LSM11: variants seen among roughly 807,000 people sequenced by gnomAD.
The protein encoded by LSM11 is U7 snRNA-associated Sm-like protein LSm11.
A neutral mutation model predicts 28.1 loss-of-function variants in LSM11; 14 were observed. The ratio of observed to expected loss-of-function variants is 0.50; its 90% CI spans 0.33 to 0.78. LSM11 has a LOEUF of 0.78. Among genes scored for constraint, LSM11 ranks in the 30% least tolerant of loss-of-function variants. LSM11 has a pLI of 0.02. For missense variants in LSM11, 495 were observed against 510.6 expected, an observed-to-expected ratio of 0.97 and a Z score of 0.30; for synonymous variants, 207 against 214.2, an observed-to-expected ratio of 0.97 and a Z score of 0.30.
Position 157,743,874 on chromosome 5 carries a change from C to G in LSM11, c.124C>G (p.Leu42Val). The change falls in exon 1 of 4, where the codon CTG becomes GTG. Residue 42 changes from leucine to valine, a missense_variant. Physicochemically the swap from Leu to Val is conservative, Grantham distance 32. Coordinates refer to ENST00000286307, the MANE Select transcript of LSM11 (RefSeq NM_173491.4). ...DPLLALYAPR[L>V]PPIPYPNAPC... is the part of the protein sequence containing the mutation. ...GCTGCTGGCCCTGTACGCGCCCCGC[C>G]TGCCTCCCATTCCCTACCCCAATGC... The G allele has an allele frequency of 6.4e-7, 1 of 1,559,654 alleles. No individual in the cohort carries two copies. The highest frequency in any genetic ancestry group is 8.7e-7 in the Non-Finnish European group (1 of 1,155,170).
intron 1 of LSM11, among the ~76,000 whole-genome samples, chr5:157,750,218 T>C (rs574437694): frequency 5.3e-5 from 8 of 152,268 alleles, no homozygotes; most frequent in Admixed American, 2.0e-4. Flanking sequence ...GCCACTGCAC[T>C]CCAGCCTGGG....
chr5:157,746,882 AC>A (rs2113068574), intron 1 of LSM11, among the ~76,000 whole-genome samples: 1 of 152,220 alleles, frequency 6.6e-6, no homozygotes, highest in South Asian at 2.1e-4. Flanking sequence ...CATCATAGAG[AC>A]CTCTACAGAG....
intron 2 of LSM11, 59 bp downstream of exon 2, chr5:157,751,588 A>AT: frequency 2.6e-6 from 4 of 1,537,752 alleles, no homozygotes; most frequent in East Asian, 2.3e-5. Context: ...CTTCTATAAT[A>AT]TTTAAAGGAC....
Position 157,755,337 on chromosome 5 carries a change from A to G in LSM11, c.*73A>G. ...CTGCTATGCTGTATCCTAGTATCCCAGTGAAACTCTGAGTTGGAATGATTC... is the reference window on the plus strand; with the variant it reads ...CTGCTATGCTGTATCCTAGTATCCCGGTGAAACTCTGAGTTGGAATGATTC... On this transcript the variant is annotated 3_prime_UTR_variant, in exon 4 of 4. Transcript: ENST00000286307. The G allele has an allele frequency of 6.8e-7, 1 of 1,468,950 alleles. No homozygotes were observed. Among genetic ancestry groups the G allele is most frequent in the Non-Finnish European group, 9.3e-7 (1 of 1,080,254 alleles). 91.0% of individuals were successfully genotyped at this position (1,468,950 alleles called of 1,614,324 possible).
chr5:157,751,315 T>G, intron 1 of LSM11, 75 bp from the exon 2 acceptor site: 1 of 1,476,204 alleles, frequency 6.8e-7, no homozygotes, highest in Non-Finnish European at 9.0e-7. Context: ...CTGGCCGAAG[T>G]TGGGTGGTCG....
Position 157,754,005 on chromosome 5 carries a change from C to T in LSM11, c.590C>T (p.Ala197Val). Residue 197 changes from alanine to valine, a missense_variant and splice_region_variant, in exon 3 of 4, where the codon GCA becomes GTA. Ala to Val is a moderately conservative substitution (Grantham distance 64). Transcript: ENST00000286307. ...LVAFDKFWNM[A>V]LTDVDETYRK... Reference sequence around the variant, plus strand: ...TTTCCTTTTGGGCTGTTCCTCTAGGCACTTACTGATGTGGATGAGACCTAC... The same window carrying T: ...TTTCCTTTTGGGCTGTTCCTCTAGGTACTTACTGATGTGGATGAGACCTAC... 6.5e-7 allele frequency: 1 copy of T among 1,534,678 alleles called. No homozygotes were observed. Among genetic ancestry groups the T allele is most frequent in the Non-Finnish European group, 8.7e-7 (1 of 1,143,068 alleles).
At position 157,743,972 on chromosome 5, in the gene LSM11, C is replaced by G; in HGVS notation, c.222C>G (p.Arg74=). Residue 74 remains arginine, a synonymous_variant, in exon 1 of 4, where the codon CGC becomes CGG. Transcript: ENST00000286307. ...RTGVRGGGRG[R]GRARGAAAGS... ...GAGTCCGGGGCGGCGGGCGCGGGCG[C>G]GGGCGGGCTCGGGGCGCGGCCGCGG... is the stretch of plus-strand genomic sequence containing the variant. 1.6e-6 allele frequency: 2 copies of G among 1,270,294 alleles called. No individual in the cohort carries two copies. Among genetic ancestry groups the G allele is most frequent in the Non-Finnish European group, 2.0e-6 (2 of 1,008,454 alleles). 78.7% of individuals were successfully genotyped at this position (1,270,294 alleles called of 1,614,324 possible). A position where few individuals can be genotyped will look rare whatever the true frequency, so the allele number is the denominator to read the frequency against.
intron 1 of LSM11, among the ~76,000 whole-genome samples, chr5:157,748,211 T>C (rs1490615406): frequency 6.6e-6 from 1 of 152,084 alleles, no homozygotes; most frequent in African/African-American, 2.4e-5. Flanking sequence ...ACTGTTACAG[T>C]TTGTGGTTTC....
chr5:157,750,287 T>G (rs1298454946), intron 1 of LSM11, among the ~76,000 whole-genome samples: 1 of 152,164 alleles, frequency 6.6e-6, no homozygotes, highest in Non-Finnish European at 1.5e-5. Context: ...TTGGGAGGTT[T>G]TATATACCAT....
chr5:157,750,121 C>T (rs749629285), intron 1 of LSM11, among the ~76,000 whole-genome samples: 2 of 152,112 alleles, frequency 1.3e-5, no homozygotes, highest in African/African-American at 2.4e-5. Flanking sequence ...GTGCGTAGTG[C>T]GTGCCTGTAG....
Position 157,755,089 on chromosome 5 carries a change from G to C in LSM11, c.908G>C (p.Arg303Pro). 1 of 1,614,176 alleles carries C rather than the reference G, an allele frequency of 6.2e-7. No homozygotes were observed. Among genetic ancestry groups the C allele is most frequent in the Non-Finnish European group, 8.5e-7 (1 of 1,180,030 alleles). Reference sequence around the variant, plus strand: ...TCAGAGCTGTCAGGGAGGACTACACGGACAGACGGCTCCAGTGTGGGAGGT... The same window carrying C: ...TCAGAGCTGTCAGGGAGGACTACACCGACAGACGGCTCCAGTGTGGGAGGT... ...SRSELSGRTT[R>P]TDGSSVGGTF... Residue 303 changes from arginine to proline, a missense_variant, in exon 4 of 4, where the codon CGG (arginine) becomes CCG (proline). By Grantham distance (103) the Arg-to-Pro change is moderately radical. Transcript: ENST00000286307.
rs1156407960 is a variant in LSM11 at position 157,756,499 on chromosome 5, G to T, written c.*1235G>T. 3.3e-5 allele frequency: 5 copies of T among 152,494 alleles called. No homozygotes were observed. The highest frequency in any genetic ancestry group is 7.3e-5 in the Non-Finnish European group (5 of 68,028). 9.4% of individuals were successfully genotyped at this position (152,494 alleles called of 1,614,324 possible). A position where few individuals can be genotyped will look rare whatever the true frequency, so the allele number is the denominator to read the frequency against. ...TTATCTGAGATAACTTATGTTCAAG[G>T]TGAGAATAAGAAATAGCCAACTAGT... On this transcript the variant is annotated 3_prime_UTR_variant, in exon 4 of 4. Transcript: ENST00000286307.
chr5:157,751,301 G>T, intron 1 of LSM11, 89 bp from the exon 2 acceptor site: 1 of 1,421,556 alleles, frequency 7.0e-7, no homozygotes, highest in Non-Finnish European at 9.4e-7. Flanking sequence ...TGGGCCACAT[G>T]TTGCTGGCCG....
In LSM11 at chr5:157,754,928, T is replaced by G. The variant is rs747825346; in HGVS notation, c.747T>G (p.Thr249=). The G allele has an allele frequency of 1.2e-6, 2 of 1,614,148 alleles. No individual in the cohort carries two copies. Among genetic ancestry groups the G allele is most frequent in the Non-Finnish European group, 1.7e-6 (2 of 1,179,980 alleles). ...CTAAGTCTGCAGTTGAAGATTCCAC[T>G]CTGTCTAGATACTCACAGACATCCA... ...ADSKSAVEDS[T]LSRYSQTSTW... Residue 249 remains threonine, a synonymous_variant, in exon 4 of 4, where the codon ACT becomes ACG. Transcript: ENST00000286307.
chr5:157,743,953 G>A lies in LSM11; in HGVS notation c.203G>A (p.Arg68Gln). Residue 68 changes from arginine to glutamine, a missense_variant, in exon 1 of 4, where the codon CGG becomes CAG. Coordinates refer to ENST00000286307, the MANE Select transcript of LSM11 (RefSeq NM_173491.4). ...GAGAGCTTCCTCAGGACCGGAGTCC[G>A]GGGCGGCGGGCGCGGGCGCGGGCGG... is the stretch of plus-strand genomic sequence containing the variant. ...EYESFLRTGV[R>Q]GGGRGRGRAR... is the part of the protein sequence containing the mutation. 1.5e-6 allele frequency: 2 copies of A among 1,355,098 alleles called. No individual in the cohort carries two copies. The highest frequency in any genetic ancestry group is 1.5e-5 in the African/African-American group (1 of 66,688). The allele number at this position is 1,355,098 out of a possible 1,614,324, so 83.9% of individuals were successfully genotyped here.
chr5:157,744,469 C>T (rs973073559), intron 1 of LSM11, among the ~76,000 whole-genome samples: 1 of 152,118 alleles, frequency 6.6e-6, no homozygotes, highest in African/African-American at 2.4e-5. Flanking sequence ...TCATAAGAAG[C>T]CGTGGGAAAG....
chr5:157,749,100 T>C (rs1249099721), intron 1 of LSM11, among the ~76,000 whole-genome samples: 1 of 152,208 alleles, frequency 6.6e-6, no homozygotes, highest in Non-Finnish European at 1.5e-5. Flanking sequence ...TACACCTTAT[T>C]AAATCTTTGG....
chr5:157,749,862 CAG>C (rs1051505568), intron 1 of LSM11, among the ~76,000 whole-genome samples: 1 of 152,172 alleles, frequency 6.6e-6, no homozygotes, highest in Non-Finnish European at 1.5e-5. Context: ...CAATCCATGA[CAG>C]AGGGATAAGG....
chr5:157,754,909 C>T lies in LSM11; in HGVS notation c.728C>T (p.Ser243Phe). 6.2e-7 allele frequency: 1 copy of T among 1,614,176 alleles called. No homozygotes were observed. The highest frequency in any genetic ancestry group is 8.5e-7 in the Non-Finnish European group (1 of 1,180,030). Residue 243 changes from serine to phenylalanine, a missense_variant, in exon 4 of 4, where the codon TCT (serine) becomes TTT (phenylalanine). By Grantham distance (155) the Ser-to-Phe change is radical. Coordinates refer to ENST00000286307, the MANE Select transcript of LSM11 (RefSeq NM_173491.4). Reference sequence around the variant, plus strand: ...TCCAAGAAGGAAGCAGATTCTAAGTCTGCAGTTGAAGATTCCACTCTGTCT... The same window carrying T: ...TCCAAGAAGGAAGCAGATTCTAAGTTTGCAGTTGAAGATTCCACTCTGTCT... Reference protein sequence around the residue: ...DSSKKEADSKSAVEDSTLSRY... With the variant: ...DSSKKEADSKFAVEDSTLSRY...
Sources: gnomAD v4.1 joint callset for allele counts (sites outside exome capture counted in the v4.1 genomes callset) on GRCh38, gnomAD v4.1.1 for gene constraint, MANE v1.5 for transcripts, NCBI Gene and HGNC (gene_info 2026-07-23, HGNC 2026-07-21) for gene names.